The following SLC16A9 variants were observed in gnomAD, a reference collection of about 807,000 sequenced individuals.
SLC16A9 encodes the protein monocarboxylate transporter 9.
In SLC16A9, 26 loss-of-function variants were observed where a neutral mutation model predicts 44.3. The ratio of observed to expected loss-of-function variants is 0.59; its 90% CI spans 0.43 to 0.81. The LOEUF is 0.81. SLC16A9 is among the 40% of genes least tolerant of loss of function. The pLI, the probability that SLC16A9 is intolerant of heterozygous loss-of-function variation, is 0.00. For synonymous variants in SLC16A9, 230 were observed against 225.1 expected, an observed-to-expected ratio of 1.02 and a Z score of -0.19; for missense variants, 559 against 595.8, an observed-to-expected ratio of 0.94 and a Z score of 0.64.
intron 2 of SLC16A9, among the ~76,000 whole-genome samples, chr10:59,680,936 T>G (rs1839971259): frequency 6.6e-6 from 1 of 151,788 alleles, no homozygotes; most frequent in African/African-American, 2.4e-5. Flanking sequence ...TGAGCCAATA[T>G]AGCACCACTG....
chr10:59,664,250 A>G lies in SLC16A9; in HGVS notation c.413T>C (p.Leu138Pro). 1 of 1,611,714 alleles carries G rather than the reference A, an allele frequency of 6.2e-7. No individual in the cohort carries two copies. Among genetic ancestry groups the G allele is most frequent in the Non-Finnish European group, 8.5e-7 (1 of 1,178,484 alleles). Residue 138 changes from leucine to proline, a missense_variant, in exon 4 of 6, where the codon CTA becomes CCA. Physicochemically the swap from Leu to Pro is moderately conservative, Grantham distance 98. Transcript: ENST00000395348. ...ACCTGTTGAAATCAGGCCAAGCGCT[A>G]GGCCTCGGCGATCGTCAAAATACTG... ...TCQYFDDRRG[L>P]ALGLISTGSS...
chr10:59,684,055 A>C, intron 2 of SLC16A9, 41 bp downstream of exon 2: 3 of 1,516,676 alleles, frequency 2.0e-6, no homozygotes, highest in Non-Finnish European at 2.7e-6. Flanking sequence ...ATGTAATTAA[A>C]TGATTAAAGA....
intron 1 of SLC16A9, among the ~76,000 whole-genome samples, chr10:59,706,490 A>G (rs1401055602): frequency 1.3e-5 from 2 of 152,192 alleles, no homozygotes. Context: ...TGATCCAGCA[A>G]TCTCACTATA....
intron 1 of SLC16A9, among the ~76,000 whole-genome samples, chr10:59,702,360 C>T (rs143215897): frequency 2.4e-4 from 36 of 152,238 alleles, no homozygotes; most frequent in Admixed American, 2.0e-3. Flanking sequence ...CTTTCCGATT[C>T]GGTTTTAAAT....
Position 59,654,230 on chromosome 10 carries a change from C to T in SLC16A9, c.796G>A (p.Glu266Lys), listed in dbSNP as rs190766922. 5.6e-6 allele frequency: 9 copies of T among 1,614,154 alleles called. No homozygotes were observed. Among genetic ancestry groups the T allele is most frequent in the East Asian group, 2.2e-5 (1 of 44,876 alleles). ...NPTVTHTKEP[E>K]TYKKKVAEQT... Reference sequence around the variant, plus strand: ...TCTGCAACTTTCTTTTTGTACGTTTCAGGCTCTTTTGTGTGTGTCACTGTG... The same window carrying T: ...TCTGCAACTTTCTTTTTGTACGTTTTAGGCTCTTTTGTGTGTGTCACTGTG... Residue 266 changes from glutamate (E) to lysine (K), a missense_variant, in exon 5 of 6, where the codon GAA (glutamate) becomes AAA (lysine). Glu to Lys is a moderately conservative substitution (Grantham distance 56, BLOSUM62 1). Transcript: ENST00000395348.
At chr10:59,696,965 C>T (rs1402972243) in intron 1 of SLC16A9, among the ~76,000 whole-genome samples, 14 of 141,332 alleles carry the variant, frequency 9.9e-5, no homozygotes, top group South Asian at 2.4e-4. Flanking sequence ...CCAGCCGCCC[C>T]GTCCAGAAGG....
chr10:59,652,916 A>C lies in SLC16A9; in HGVS notation c.1386T>G (p.Ile462Met). The C allele has an allele frequency of 6.2e-7, 1 of 1,613,490 alleles. No individual in the cohort carries two copies. The highest frequency in any genetic ancestry group is 8.5e-7 in the Non-Finnish European group (1 of 1,179,870). ...CGCAGAAGCCACTAAAATAAAATGC[A>C]ATATCATAGGTCTGGGTCCAGTCAT... ...WFYDWTQTYD[I>M]AFYFSGFCVL... is the part of the protein sequence containing the mutation. The change falls in exon 6 of 6, where the codon ATT (isoleucine) becomes ATG (methionine). Residue 462 changes from isoleucine to methionine, a missense_variant. Physicochemically the swap from Ile to Met is conservative, Grantham distance 10 (BLOSUM62 1). Coordinates refer to ENST00000395348, the MANE Select transcript of SLC16A9 (RefSeq NM_194298.3).
At chr10:59,684,982 G>T (rs766002815) in intron 1 of SLC16A9, among the ~76,000 whole-genome samples, 1 of 152,152 alleles carries the variant, frequency 6.6e-6, no homozygotes, top group Non-Finnish European at 1.5e-5. Flanking sequence ...CTCAACAGCT[G>T]GGGCAAGAAC....
Position 59,672,773 on chromosome 10 carries a change from C to A in SLC16A9, c.337G>T (p.Val113Leu), listed in dbSNP as rs138740971. Residue 113 changes from valine (V) to leucine (L), a missense_variant, in exon 3 of 6, where the codon GTA (valine) becomes TTA (leucine). Coordinates refer to ENST00000395348, the MANE Select transcript of SLC16A9 (RefSeq NM_194298.3). Reference protein sequence around the residue: ...YFLFFSYGIVVGLGCGLLYTA... With the variant: ...YFLFFSYGIVLGLGCGLLYTA... ...TCATAGTGACGAGGTTCCTTACCTA[C>A]AACAATGCCATAGGAAAAAAACAGA... is the stretch of plus-strand genomic sequence containing the variant. 1 of 1,612,374 alleles carries A rather than the reference C, an allele frequency of 6.2e-7. No homozygotes were observed. The highest frequency in any genetic ancestry group is 8.5e-7 in the Non-Finnish European group (1 of 1,179,396).
chr10:59,675,635 G>A (rs1255874403), intron 2 of SLC16A9, among the ~76,000 whole-genome samples: 1 of 151,502 alleles, frequency 6.6e-6, no homozygotes, highest in African/African-American at 2.4e-5. Context: ...GCAAAATGGT[G>A]GATGTACGAC....
At chr10:59,681,057 C>T (rs950450274) in intron 2 of SLC16A9, among the ~76,000 whole-genome samples, 23 of 151,908 alleles carry the variant, frequency 1.5e-4, no homozygotes, top group African/African-American at 4.1e-4. Flanking sequence ...AGACTGTCTG[C>T]GTGTCAAATC....
intron 1 of SLC16A9, among the ~76,000 whole-genome samples, chr10:59,701,514 A>G (rs1216014259): frequency 6.6e-6 from 1 of 152,252 alleles, no homozygotes; most frequent in Non-Finnish European, 1.5e-5. Context: ...ATCAATGACA[A>G]TCATTCTTTC....
rs74152105 is a variant in SLC16A9 at position 59,663,965 on chromosome 10, T to C, written c.436+262A>G. Among the ~76,000 whole-genome samples the C allele has an allele frequency of 3.4e-3, 507 of 151,260 alleles. 5 individuals are homozygous for C. Among genetic ancestry groups the C allele is most frequent in the African/African-American group, 0.012 (476 of 41,326 alleles). ...TGTTATACTAAATATCAGTTTACAA[T>C]TTTAGAAGAGCTATATATTTTAGAA... On this transcript the variant is annotated intron_variant, in intron 4 of 5. Coordinates refer to ENST00000395348, the MANE Select transcript of SLC16A9 (RefSeq NM_194298.3).
At chr10:59,707,837 A>G (rs1276029228) in intron 1 of SLC16A9, among the ~76,000 whole-genome samples, 1 of 152,188 alleles carries the variant, frequency 6.6e-6, no homozygotes, top group African/African-American at 2.4e-5. Flanking sequence ...TCCACCCCAG[A>G]CCACCATAAT....
chr10:59,701,878 C>G (rs1840531408), intron 1 of SLC16A9, among the ~76,000 whole-genome samples: 1 of 152,218 alleles, frequency 6.6e-6, no homozygotes, highest in Non-Finnish European at 1.5e-5. Context: ...TTTCTCTCAT[C>G]TTGATGCCAT....
intron 1 of SLC16A9, among the ~76,000 whole-genome samples, chr10:59,687,536 T>C (rs1425852962): frequency 6.6e-6 from 1 of 152,268 alleles, no homozygotes; most frequent in African/African-American, 2.4e-5. Context: ...ATTATTGGAT[T>C]AAATTTCCTT....
chr10:59,652,203 G>A lies in SLC16A9; in HGVS notation c.*569C>T, dbSNP rs930271282. ...AGAATAATGAAAACTGGTGACTGTAGGTTAAAATATATTTTTTTAAAAAAT... is the reference window on the plus strand; with the variant it reads ...AGAATAATGAAAACTGGTGACTGTAAGTTAAAATATATTTTTTTAAAAAAT... On this transcript the variant is annotated 3_prime_UTR_variant, in exon 6 of 6. Transcript: ENST00000395348. 2.0e-5 allele frequency: 3 copies of A among 152,208 alleles called. No individual in the cohort carries two copies. Among genetic ancestry groups the A allele is most frequent in the African/African-American group, 7.2e-5 (3 of 41,450 alleles). The allele number at this position is 152,208 out of a possible 1,614,324, so 9.4% of individuals were successfully genotyped here.
At chr10:59,693,401 A>T (rs988016073) in intron 1 of SLC16A9, among the ~76,000 whole-genome samples, 1 of 151,772 alleles carries the variant, frequency 6.6e-6, no homozygotes, top group Non-Finnish European at 1.5e-5. Flanking sequence ...AAGTCAAAAA[A>T]ATATACTTAT....
chr10:59,696,903 C>A (rs1289695914), intron 1 of SLC16A9, among the ~76,000 whole-genome samples: 2 of 140,846 alleles, frequency 1.4e-5, no homozygotes, highest in East Asian at 4.3e-4. Context: ...AGCGTCTCCG[C>A]CCGACAGCCA....
Sources: allele counts gnomAD v4.1 joint callset (sites outside exome capture counted in the v4.1 genomes callset), GRCh38; gene constraint gnomAD v4.1.1; transcripts MANE v1.5; gene names NCBI Gene and HGNC (gene_info 2026-07-23, HGNC 2026-07-21).